Variants in PPFIA4 observed in about 807,000 individuals in gnomAD.
PPFIA4 encodes the protein PPFI scaffold protein A4, also known as liprin-alpha-4.
A neutral mutation model predicts 145.7 loss-of-function variants in PPFIA4; 98 were observed. The ratio of observed to expected loss-of-function variants is 0.67; its 90% CI spans 0.57 to 0.80. The LOEUF (loss-of-function observed/expected upper bound fraction) is 0.80. PPFIA4 is among the 30% of genes least tolerant of loss of function. The pLI is 0.00. For missense variants in PPFIA4, 1,457 were observed against 1,632.7 expected, an observed-to-expected ratio of 0.89 and a Z score of 1.85; for synonymous variants, 628 against 649.6, an observed-to-expected ratio of 0.97 and a Z score of 0.51.
intron 27 of PPFIA4, among the ~76,000 whole-genome samples, chr1:203,069,765 C>CT (rs1441844010): frequency 2.3e-5 from 3 of 130,640 alleles, no homozygotes; most frequent in South Asian, 6.1e-4. Context: ...ACCCCCCCGC[C>CT]CCGCCCCCAC....
chr1:203,061,988 G>T (rs1311953828), intron 24 of PPFIA4, among the ~76,000 whole-genome samples: 2 of 152,056 alleles, frequency 1.3e-5, no homozygotes, highest in Non-Finnish European at 2.9e-5. Context: ...TCCTCTCCCT[G>T]TCCCTCTCAG....
At position 203,060,825 on chromosome 1, in the gene PPFIA4, T is replaced by C. The variant is rs973278526; in HGVS notation, c.2785-145T>C. The C allele has an allele frequency of 1.4e-5, 10 of 720,564 alleles. No homozygotes were observed. The highest frequency in any genetic ancestry group is 2.2e-5 in the Non-Finnish European group (9 of 413,410). 44.6% of individuals were successfully genotyped at this position (720,564 alleles called of 1,614,324 possible). A position where few individuals can be genotyped will look rare whatever the true frequency, so the allele number is the denominator to read the frequency against. Reference sequence around the variant, plus strand: ...TGGGCCCCTGGGGTGGAGTCTTTCATTGTCGGCCATCTCCATGATTGAGAC... The same window carrying C: ...TGGGCCCCTGGGGTGGAGTCTTTCACTGTCGGCCATCTCCATGATTGAGAC... On this transcript the variant is annotated intron_variant, in intron 22 of 29. Transcript: ENST00000295706. This position sits in a 1 kb window ranked among gnomAD's most constrained non-coding sequence, Gnocchi z 4.8.
intron 6 of PPFIA4, 36 bp from the exon 7 acceptor site, chr1:203,045,332 C>T (rs772313433): frequency 1.3e-6 from 2 of 1,508,700 alleles, no homozygotes; most frequent in Non-Finnish European, 1.8e-6. Context: ...TGGGATGCTG[C>T]TGTGACTCAC....
chr1:203,028,107 T>C (rs1658545798), intron 1 of PPFIA4, among the ~76,000 whole-genome samples: 2 of 152,170 alleles, frequency 1.3e-5, no homozygotes, highest in Non-Finnish European at 2.9e-5. Flanking sequence ...GGGCCAAGAA[T>C]GTCCTAGACA....
chr1:203,059,258 C>A lies in PPFIA4; in HGVS notation c.2488C>A (p.Arg830=). The A allele has an allele frequency of 3.3e-6, 5 of 1,532,454 alleles. No homozygotes were observed. Among genetic ancestry groups the A allele is most frequent in the Non-Finnish European group, 4.4e-6 (5 of 1,124,448 alleles). 94.9% of individuals were successfully genotyped at this position (1,532,454 alleles called of 1,614,324 possible). A position where few individuals can be genotyped will look rare whatever the true frequency, so the allele number is the denominator to read the frequency against. ...GGGGACCCAGGCAGAGAAGGACCGG[C>A]GGCTAAAGAAGAAGTAAGAGCCACA... ...KLGTQAEKDR[R]LKKKHQLLED... The change falls in exon 20 of 30, where the codon CGG becomes AGG. Residue 830 remains arginine, a synonymous_variant. Coordinates refer to ENST00000295706, the MANE Select transcript of PPFIA4 (RefSeq NM_001304331.2).
intron 2 of PPFIA4, among the ~76,000 whole-genome samples, chr1:203,042,485 C>T (rs1459559201): frequency 1.3e-5 from 2 of 151,012 alleles, no homozygotes; most frequent in Admixed American, 1.3e-4. Flanking sequence ...TCTGCATACT[C>T]TCTTGCTCCT....
At chr1:203,052,290 G>A (rs1304582845) in intron 14 of PPFIA4, among the ~76,000 whole-genome samples, 1 of 152,166 alleles carries the variant, frequency 6.6e-6, no homozygotes, top group Non-Finnish European at 1.5e-5. Flanking sequence ...ACTGGCCCTT[G>A]GGATGGCACC....
chr1:203,046,544 G>T, intron 9 of PPFIA4, 162 bp downstream of exon 9: 3 of 758,508 alleles, frequency 4.0e-6, no homozygotes, highest in Non-Finnish European at 6.3e-6. Flanking sequence ...GTGCCTGTCA[G>T]TTGGAAGAGT....
chr1:203,067,752 G>A lies in PPFIA4; in HGVS notation c.3108G>A (p.Glu1036=). ...CLKRLNYDRK[E]LEKRREESQH... ...AGAGGCTGAATTATGACCGGAAGGA[G>A]CTGGAGAAGAGGCGAGAGGAGAGCC... The change falls in exon 26 of 30, where the codon GAG becomes GAA. Residue 1036 remains glutamate, a synonymous_variant. Transcript: ENST00000295706. 1 of 1,613,848 alleles carries A rather than the reference G, an allele frequency of 6.2e-7. No homozygotes were observed. The highest frequency in any genetic ancestry group is 8.5e-7 in the Non-Finnish European group (1 of 1,179,870).
chr1:203,063,870 G>T lies in PPFIA4; in HGVS notation c.2917G>T (p.Glu973Ter). Residue 973 changes from glutamate (E) to a stop codon, truncating the protein, a stop_gained, in exon 25 of 30, where the codon GAA becomes TAA. Coordinates refer to ENST00000295706, the MANE Select transcript of PPFIA4 (RefSeq NM_001304331.2). LOFTEE classifies it high-confidence loss of function. ...CATGAACCATGAGTGGATTGGGAAT[G>T]AATGGCTACCCAGCCTGGGGCTCCC... ...GDMNHEWIGNEWLPSLGLPQY... is the reference protein window; with the variant it reads ...GDMNHEWIGN 1.2e-6 allele frequency: 2 copies of T among 1,614,078 alleles called. No homozygotes were observed. Among genetic ancestry groups the T allele is most frequent in the Non-Finnish European group, 1.7e-6 (2 of 1,179,918 alleles).
At position 203,061,050 on chromosome 1, in the gene PPFIA4, C is replaced by T. The variant is rs367860375; in HGVS notation, c.2847+18C>T. The T allele has an allele frequency of 1.2e-6, 2 of 1,612,644 alleles. No homozygotes were observed. Among genetic ancestry groups the T allele is most frequent in the Admixed American group, 3.3e-5 (2 of 59,992 alleles). Reference sequence around the variant, plus strand: ...CTAAAACAGTGAGTCTGGCCCTTGGCCTTTGTCCCTGGGCCTGGGGTTGGG... The same window carrying T: ...CTAAAACAGTGAGTCTGGCCCTTGGTCTTTGTCCCTGGGCCTGGGGTTGGG... On this transcript the variant is annotated intron_variant, in intron 23 of 29. Transcript: ENST00000295706.
intron 27 of PPFIA4, among the ~76,000 whole-genome samples, chr1:203,069,103 T>C (rs770792357): frequency 2.3e-4 from 35 of 152,258 alleles, no homozygotes; most frequent in Non-Finnish European, 4.0e-4. Flanking sequence ...ATATACCAAA[T>C]TACACAACCC....
chr1:203,055,488 G>C lies in PPFIA4; in HGVS notation c.1886G>C (p.Arg629Pro). 6.2e-7 allele frequency: 1 copy of C among 1,613,996 alleles called. No homozygotes were observed. The highest frequency in any genetic ancestry group is 8.5e-7 in the Non-Finnish European group (1 of 1,179,894). ...CTCCGCGCGGAGGAGATTGAGACGC[G>C]TGTAACCAGTGGCAGCATGGAAGCC... ...TELRAEEIET[R>P]VTSGSMEALN... The change falls in exon 16 of 30, where the codon CGT becomes CCT. Residue 629 changes from arginine to proline, a missense_variant. Physicochemically the swap from Arg to Pro is moderately radical, Grantham distance 103. Coordinates refer to ENST00000295706, the MANE Select transcript of PPFIA4 (RefSeq NM_001304331.2). The surrounding 1 kb of genome is among the most constrained non-coding windows in gnomAD (Gnocchi z 4.8).
intron 28 of PPFIA4, among the ~76,000 whole-genome samples, chr1:203,073,790 G>A (rs1165618350): frequency 1.3e-5 from 2 of 152,130 alleles, no homozygotes; most frequent in Admixed American, 1.3e-4. Context: ...TTGGCTGAAG[G>A]TGGAAATGGA....
chr1:203,061,019 C>T lies in PPFIA4; in HGVS notation c.2834C>T (p.Thr945Ile), dbSNP rs1661320564. The T allele has an allele frequency of 2.5e-6, 4 of 1,613,892 alleles. No individual in the cohort carries two copies. The South Asian group carries it at 3.3e-5, about 13-fold the overall frequency. ...CATGAAGAGATGGAAACTCTGGAAA[C>T]ATCTACTAAAACAGTGAGTCTGGCC... Reference protein sequence around the residue: ...VTHEEMETLETSTKTDSEEGS... With the variant: ...VTHEEMETLEISTKTDSEEGS... Residue 945 changes from threonine to isoleucine, a missense_variant, in exon 23 of 30, where the codon ACA becomes ATA. Coordinates refer to ENST00000295706, the MANE Select transcript of PPFIA4 (RefSeq NM_001304331.2).
At chr1:203,056,225 C>A in intron 17 of PPFIA4, 70 bp downstream of exon 17, 1 of 1,607,632 alleles carries the variant, frequency 6.2e-7, no homozygotes, top group Non-Finnish European at 8.5e-7. Context: ...TCAGCTTCCT[C>A]CCCCAGGGCC....
At position 203,060,473 on chromosome 1, in the gene PPFIA4, C is replaced by T; in HGVS notation, c.2784+56C>T. On this transcript the variant is annotated intron_variant, in intron 22 of 29. Transcript: ENST00000295706. The surrounding 1 kb of genome is among the most constrained non-coding windows in gnomAD (Gnocchi z 4.8). Reference sequence around the variant, plus strand: ...TTCAGAGGTCCTGGAACATAGTTTGCAAGGTCTCCTGTTGGGCTTTGGGAA... The same window carrying T: ...TTCAGAGGTCCTGGAACATAGTTTGTAAGGTCTCCTGTTGGGCTTTGGGAA... 6.4e-7 allele frequency: 1 copy of T among 1,573,008 alleles called. No homozygotes were observed. Among genetic ancestry groups the T allele is most frequent in the South Asian group, 1.1e-5 (1 of 89,932 alleles).
intron 29 of PPFIA4, 65 bp from the exon 30 acceptor site, chr1:203,076,276 A>G: frequency 6.5e-7 from 1 of 1,527,662 alleles, no homozygotes; most frequent in Non-Finnish European, 9.0e-7. Context: ...ACATCCTACA[A>G]CCTCTCTCGC....
In PPFIA4 at chr1:203,043,280, GT is replaced by G. The variant is rs1337383843; in HGVS notation, c.235-116del. On this transcript the variant is annotated intron_variant, in intron 2 of 29. Transcript: ENST00000295706. This position sits in a 1 kb window ranked among gnomAD's most constrained non-coding sequence, Gnocchi z 4.4. The stretch of plus-strand genomic sequence containing the variant: ...TGCAGTGTGGATGGATTGGGATTTT[GT>G]GGGGGAGGTGGTGGAAGTAAGGGAT... 3.6e-6 allele frequency: 3 copies of G among 835,652 alleles called. No homozygotes were observed. The highest frequency in any genetic ancestry group is 5.8e-6 in the Non-Finnish European group (3 of 513,922). The allele number at this position is 835,652 out of a possible 1,614,324, so 51.8% of individuals were successfully genotyped here.
Sources: allele counts gnomAD v4.1 joint callset (sites outside exome capture counted in the v4.1 genomes callset), GRCh38; gene constraint gnomAD v4.1.1; non-coding constraint Gnocchi (gnomAD v3.1); transcripts MANE v1.5; gene names NCBI Gene and HGNC (gene_info 2026-07-23, HGNC 2026-07-21).